CCDC38: variants seen among roughly 807,000 people sequenced by gnomAD.
CCDC38 encodes coiled-coil domain-containing protein 38.
In CCDC38, 69 loss-of-function variants were observed where a neutral mutation model predicts 72.8. The observed-to-expected ratio is 0.95, with a 90% CI of 0.78 to 1.16. The LOEUF (loss-of-function observed/expected upper bound fraction) is 1.16, where lower values mean the gene tolerates loss of function less well. Among genes scored for constraint, CCDC38 ranks in the 50% most tolerant of loss-of-function variants. CCDC38 has a pLI of 0.00. For missense variants in CCDC38, 626 were observed against 638.9 expected (o/e 0.98, Z 0.22); for synonymous variants, 201 against 213.2 (o/e 0.94, Z 0.50).
chr12:95,901,495 C>T (rs936897369), intron 5 of CCDC38, among the ~76,000 whole-genome samples: 4 of 151,906 alleles, frequency 2.6e-5, no homozygotes, highest in Admixed American at 1.3e-4. Flanking sequence ...AGGTGGAATT[C>T]GAAGACATGA....
intron 2 of CCDC38, among the ~76,000 whole-genome samples, chr12:95,920,103 G>C (rs974363675): frequency 1.3e-5 from 2 of 152,146 alleles, no homozygotes; most frequent in Non-Finnish European, 2.9e-5. Context: ...GATATGGATT[G>C]GCTGTGTCCT....
chr12:95,875,187 T>C (rs1396791987), intron 13 of CCDC38, among the ~76,000 whole-genome samples: 1 of 151,990 alleles, frequency 6.6e-6, no homozygotes, highest in Non-Finnish European at 1.5e-5. Flanking sequence ...GCATGAGACG[T>C]CAGGACAGTG....
At chr12:95,908,015 C>T (rs1023455717) in intron 4 of CCDC38, among the ~76,000 whole-genome samples, 7 of 151,834 alleles carry the variant, frequency 4.6e-5, no homozygotes, top group African/African-American at 1.5e-4. Context: ...CAGGCAGAGA[C>T]GCTCCTCACT....
At chr12:95,870,641 TGGAA>T (rs1407394579) in intron 14 of CCDC38, among the ~76,000 whole-genome samples, 1 of 152,192 alleles carries the variant, frequency 6.6e-6, no homozygotes, top group Non-Finnish European at 1.5e-5. Context: ...GTAAAAAAGA[TGGAA>T]GTGCTGTTAG....
chr12:95,872,427 T>TA lies in CCDC38; in HGVS notation c.1311dup (p.Thr438TyrfsTer12). On this transcript the variant is annotated frameshift_variant, in exon 14 of 16. Coordinates refer to ENST00000344280, the MANE Select transcript of CCDC38 (RefSeq NM_182496.3). LOFTEE classifies it high-confidence loss of function. ...CCAATGCAGACTTTGTATACTTGAG[T>TA]AATCTTTTTACTAAGTGAGTCTATC... is the stretch of plus-strand genomic sequence containing the variant. 1 of 1,613,972 alleles carries TA rather than the reference T, an allele frequency of 6.2e-7. No individual in the cohort carries two copies. The highest frequency in any genetic ancestry group is 1.1e-5 in the South Asian group (1 of 91,070).
rs1481321217 is a variant in CCDC38, at chr12:95,898,616, T to C, written c.485A>G (p.Glu162Gly). ...CTGGTCATTTTCTCGAAGGAACTCT[T>C]CAAAGGCCAGTGCATCATCTTGGAG... ...KKLQDDALAF[E>G]EFLRENDQRS... Residue 162 changes from glutamate to glycine, a missense_variant, in exon 6 of 16, where the codon GAA becomes GGA. Transcript: ENST00000344280. The C allele has an allele frequency of 9.3e-6, 15 of 1,614,214 alleles. No homozygotes were observed. The highest frequency in any genetic ancestry group is 1.3e-5 in the Non-Finnish European group (15 of 1,180,028).
At chr12:95,872,731 C>T (rs1266949384) in intron 13 of CCDC38, among the ~76,000 whole-genome samples, 1 of 152,202 alleles carries the variant, frequency 6.6e-6, no homozygotes, top group Non-Finnish European at 1.5e-5. Context: ...TGCGCCACCA[C>T]GCGCAGCTAA....
At chr12:95,867,693 G>T (rs548289187) in intron 15 of CCDC38, among the ~76,000 whole-genome samples, 22 of 152,268 alleles carry the variant, frequency 1.4e-4, no homozygotes, top group Admixed American at 6.5e-4. Flanking sequence ...GAGGCTTTGG[G>T]AAACCCCGAG....
At chr12:95,877,224 C>G (rs1046399709) in intron 13 of CCDC38, among the ~76,000 whole-genome samples, 1 of 152,162 alleles carries the variant, frequency 6.6e-6, no homozygotes, top group Non-Finnish European at 1.5e-5. Context: ...AGAGGAAGGT[C>G]TTCAGGACTC....
intron 7 of CCDC38, among the ~76,000 whole-genome samples, chr12:95,897,117 C>G (rs1187430236): frequency 6.6e-6 from 1 of 152,018 alleles, no homozygotes; most frequent in Non-Finnish European, 1.5e-5. Flanking sequence ...TCAGAGAAAC[C>G]AACTCTGCTT....
intron 2 of CCDC38, among the ~76,000 whole-genome samples, chr12:95,920,224 G>A (rs1210291748): frequency 6.6e-5 from 10 of 152,086 alleles, no homozygotes; most frequent in South Asian, 2.1e-4. Flanking sequence ...TGCTGTTCTC[G>A]TGATAGTGAA....
At chr12:95,878,860 A>G (rs372456290) in intron 12 of CCDC38, among the ~76,000 whole-genome samples, 1 of 152,220 alleles carries the variant, frequency 6.6e-6, no homozygotes, top group East Asian at 1.9e-4. Context: ...AAAAGATACA[A>G]GGATTAAAAA....
At chr12:95,920,887 C>G (rs12811896) in intron 2 of CCDC38, among the ~76,000 whole-genome samples, 81,700 of 151,546 alleles carry the variant, frequency 0.54, 22,749 homozygotes, top group East Asian at 0.92. Context: ...CCAGCACTTT[C>G]GGAGGCCGAG....
rs559007806 is a variant in CCDC38 at position 95,940,301 on chromosome 12, C to A, written c.-15+2130G>T. Among the ~76,000 whole-genome samples, 98 of 152,230 alleles carry A rather than the reference C, an allele frequency of 6.4e-4. No homozygotes were observed. In the Middle Eastern group the frequency reaches 0.014, roughly 21 times the overall value. ...GACCTGAATCAGCTTCATGTAGAGTCTTAACATTCTGAGCTCCAGGGGAAG... is the reference window on the plus strand; with the variant it reads ...GACCTGAATCAGCTTCATGTAGAGTATTAACATTCTGAGCTCCAGGGGAAG... On this transcript the variant is annotated intron_variant, in intron 1 of 15. Transcript: ENST00000344280.
At chr12:95,900,500 C>G (rs10859976) in intron 5 of CCDC38, among the ~76,000 whole-genome samples, 2 of 151,984 alleles carry the variant, frequency 1.3e-5, no homozygotes, top group Non-Finnish European at 2.9e-5. Context: ...AAAATTTCAA[C>G]GTGTTATTGA....
intron 7 of CCDC38, 124 bp downstream of exon 7, chr12:95,898,261 T>C (rs1325867643): frequency 5.3e-6 from 5 of 941,574 alleles, no homozygotes; most frequent in African/African-American, 4.9e-5. Flanking sequence ...TTTTTTAAAA[T>C]TCGTTCATAC....
rs2079527089 is a variant in CCDC38, at chr12:95,867,103, T to G, written c.1665A>C (p.Ser555=). 6.3e-7 allele frequency: 1 copy of G among 1,597,456 alleles called. No homozygotes were observed. Among genetic ancestry groups the G allele is most frequent in the East Asian group, 2.2e-5 (1 of 44,720 alleles). ...LPLVNETKTK[S]QEEEYFFT is the part of the protein sequence containing the mutation. ...AAGTAAAAAAATATTCTTCCTCTTGTGATTTTGTTTTTGTTTCATTGACTA... is the reference window on the plus strand; with the variant it reads ...AAGTAAAAAAATATTCTTCCTCTTGGGATTTTGTTTTTGTTTCATTGACTA... The change falls in exon 16 of 16, where the codon TCA becomes TCC. Residue 555 remains serine, a synonymous_variant. Transcript: ENST00000344280.
chr12:95,915,791 G>C (rs1338848108), intron 4 of CCDC38, among the ~76,000 whole-genome samples: 1 of 152,208 alleles, frequency 6.6e-6, no homozygotes, highest in African/African-American at 2.4e-5. Flanking sequence ...AGCCCAAATT[G>C]CCTTGGATAA....
chr12:95,872,584 A>G (rs557626739), intron 13 of CCDC38, 124 bp from the exon 14 acceptor site: 1 of 693,108 alleles, frequency 1.4e-6, no homozygotes, highest in African/African-American at 1.8e-5. Context: ...TATTTTTATT[A>G]TTTTTTTTGA....
Sources: allele counts gnomAD v4.1 joint callset (sites outside exome capture counted in the v4.1 genomes callset), GRCh38; gene constraint gnomAD v4.1.1; transcripts MANE v1.5; gene names NCBI Gene and HGNC (gene_info 2026-07-23, HGNC 2026-07-21).